SOS2: variants seen among roughly 807,000 people sequenced by gnomAD.
The protein encoded by SOS2 is son of sevenless homolog 2.
A neutral mutation model predicts 148.2 loss-of-function variants in SOS2; 65 were observed. The ratio of observed to expected loss-of-function variants is 0.44; its 90% CI spans 0.36 to 0.54. The LOEUF is 0.54. Ranked by LOEUF, SOS2 falls within the 20% of genes least tolerant of loss-of-function variation. SOS2 has a pLI of 0.00. For synonymous variants in SOS2, 539 were observed against 537.1 expected (o/e 1.00, Z -0.05); for missense variants, 1,341 against 1,590.2 (o/e 0.84, Z 2.67).
At chr14:50,199,031 T>C (rs761397406) in intron 4 of SOS2, among the ~76,000 whole-genome samples, 3 of 152,168 alleles carry the variant, frequency 2.0e-5, no homozygotes, top group African/African-American at 4.8e-5. Flanking sequence ...TGCACGCCTG[T>C]GGTCCTAGCT....
At chr14:50,146,862 T>C (rs1439746735) in intron 14 of SOS2, among the ~76,000 whole-genome samples, 1 of 151,962 alleles carries the variant, frequency 6.6e-6, no homozygotes, top group Non-Finnish European at 1.5e-5. Flanking sequence ...GTAAAAAGCA[T>C]GTTGCAGAAT....
intron 11 of SOS2, among the ~76,000 whole-genome samples, chr14:50,157,860 A>G (rs914083547): frequency 7.2e-5 from 11 of 152,168 alleles, no homozygotes; most frequent in Non-Finnish European, 1.5e-4. Context: ...TTAAAATGCC[A>G]CTATAATACT....
At chr14:50,231,712 C>CAA (rs1887557759), upstream of SOS2, among the ~76,000 whole-genome samples, 1 of 151,872 alleles carries the variant, frequency 6.6e-6, no homozygotes. Context: ...CTCGTCTCCT[C>CAA]ATCGCCTCCT....
At chr14:50,195,692 T>A (rs1291685914) in intron 4 of SOS2, among the ~76,000 whole-genome samples, 5 of 151,506 alleles carry the variant, frequency 3.3e-5, no homozygotes, top group African/African-American at 4.9e-5. Flanking sequence ...GCCCAGGGGT[T>A]TGAAGCTGCA....
intron 8 of SOS2, among the ~76,000 whole-genome samples, chr14:50,166,440 G>A (rs751589004): frequency 4.6e-5 from 7 of 152,052 alleles, no homozygotes; most frequent in Admixed American, 6.6e-5. Flanking sequence ...TGTTGCCCAG[G>A]CTGGTCTCAA....
Position 50,120,879 on chromosome 14 carries a change from A to G in SOS2, c.3380-495T>C, listed in dbSNP as rs988058874. ...CTCAGCCTCCTGAGTAGCTGGGATT[A>G]CAGGTACCCACTACCACCCCCAGCT... On this transcript the variant is annotated intron_variant, in intron 21 of 22. Coordinates refer to ENST00000216373, the MANE Select transcript of SOS2 (RefSeq NM_006939.4). 5.3e-5 allele frequency among the ~76,000 whole-genome samples: 8 copies of G among 151,502 alleles called. No homozygotes were observed. The South Asian group carries it at 1.5e-3, about 28-fold the overall frequency.
intron 7 of SOS2, among the ~76,000 whole-genome samples, chr14:50,175,762 T>C (rs529944272): frequency 1.3e-5 from 2 of 152,236 alleles, no homozygotes; most frequent in South Asian, 4.1e-4. Context: ...TACTAGTATT[T>C]CTCCCCATAA....
At position 50,174,416 on chromosome 14, in the gene SOS2, T is replaced by C. The variant is rs773554132; in HGVS notation, c.1068+38A>G. 6 of 1,105,722 alleles carry C rather than the reference T, an allele frequency of 5.4e-6. 1 individual carries two copies. Among genetic ancestry groups the C allele is most frequent in the Middle Eastern group, 4.1e-4 (2 of 4,862 alleles). 68.5% of individuals were successfully genotyped at this position (1,105,722 alleles called of 1,614,324 possible). ...TAATTTTAAAAAGTAAACTCTTCTA[T>C]TAGATAAGTACTTTGAGATTCTGTT... On this transcript the variant is annotated intron_variant, in intron 8 of 22. Coordinates refer to ENST00000216373, the MANE Select transcript of SOS2 (RefSeq NM_006939.4).
chr14:50,159,793 A>G lies in SOS2; in HGVS notation c.1490T>C (p.Ile497Thr). The G allele has an allele frequency of 6.2e-7, 1 of 1,613,880 alleles. No homozygotes were observed. The highest frequency in any genetic ancestry group is 1.1e-5 in the South Asian group (1 of 91,084). The change falls in exon 10 of 23, where the codon ATA becomes ACA. Residue 497 changes from isoleucine to threonine, a missense_variant. By Grantham distance (89) the Ile-to-Thr change is moderately conservative (BLOSUM62 -1). This residue lies in a region of SOS2 where 574 missense variants were observed against 711.1 expected (regional missense o/e 0.81). Coordinates refer to ENST00000216373, the MANE Select transcript of SOS2 (RefSeq NM_006939.4). ...RLKEKFVMRK[I>T]QICDKEDTCE... ...AGTATCTTCTTTATCACAAATTTGT[A>G]TTTTCCTCATGACAAATTTTTCTTT...
chr14:50,205,563 T>C (rs577457309), intron 1 of SOS2, among the ~76,000 whole-genome samples: 14 of 152,252 alleles, frequency 9.2e-5, no homozygotes, highest in African/African-American at 2.9e-4. Flanking sequence ...AAACCAACCA[T>C]TGCCAAACAA....
At position 50,218,659 on chromosome 14, in the gene SOS2, C is replaced by T. The variant is rs905626372; in HGVS notation, c.87+12538G>A. ...ATGAAAGATGTTGAACATCATTAAT[C>T]ACTAGGGAAATGCAAACTAAAACCA... is the stretch of plus-strand genomic sequence containing the variant. On this transcript the variant is annotated intron_variant, in intron 1 of 22. Coordinates refer to ENST00000216373, the MANE Select transcript of SOS2 (RefSeq NM_006939.4). 2.0e-5 allele frequency among the ~76,000 whole-genome samples: 3 copies of T among 152,130 alleles called. No homozygotes were observed. In the East Asian group the frequency reaches 5.8e-4, roughly 29 times the overall value.
At chr14:50,183,739 G>C (rs1418354093) in intron 5 of SOS2, among the ~76,000 whole-genome samples, 2 of 152,168 alleles carry the variant, frequency 1.3e-5, no homozygotes, top group Non-Finnish European at 2.9e-5. Flanking sequence ...GCTGGGATGA[G>C]AATGAAGATA....
intron 8 of SOS2, among the ~76,000 whole-genome samples, chr14:50,167,434 C>T (rs993118827): frequency 1.3e-5 from 2 of 151,990 alleles, no homozygotes; most frequent in Admixed American, 1.3e-4. Context: ...ACTCGGGAAG[C>T]TGAGATGGGA....
chr14:50,150,508 C>A (rs1337137063), intron 13 of SOS2, among the ~76,000 whole-genome samples: 1 of 151,960 alleles, frequency 6.6e-6, no homozygotes. Flanking sequence ...CTTCTTAATA[C>A]ATTGTTATCT....
At chr14:50,217,986 A>C (rs1007835761) in intron 1 of SOS2, among the ~76,000 whole-genome samples, 13 of 151,058 alleles carry the variant, frequency 8.6e-5, no homozygotes, top group Admixed American at 2.6e-4. Flanking sequence ...AACAAACAAA[A>C]AAAACTTTTG....
intron 8 of SOS2, among the ~76,000 whole-genome samples, chr14:50,163,578 A>G (rs1385012027): frequency 6.6e-6 from 1 of 152,188 alleles, no homozygotes; most frequent in Non-Finnish European, 1.5e-5. Context: ...TAAGCAATAG[A>G]AAGGATGGAA....
chr14:50,197,561 C>T (rs1383374590), intron 4 of SOS2, among the ~76,000 whole-genome samples: 3 of 146,776 alleles, frequency 2.0e-5, no homozygotes, highest in Admixed American at 6.8e-5. Context: ...CTCTCAAAAG[C>T]GTCCAGGTTA....
At chr14:50,221,999 T>C (rs1887218294) in intron 1 of SOS2, among the ~76,000 whole-genome samples, 1 of 152,114 alleles carries the variant, frequency 6.6e-6, no homozygotes, top group Non-Finnish European at 1.5e-5. Context: ...ATTAGAATTA[T>C]GCAGGGGAAA....
At chr14:50,168,314 T>C (rs1383612066) in intron 8 of SOS2, among the ~76,000 whole-genome samples, 1 of 152,194 alleles carries the variant, frequency 6.6e-6, no homozygotes, top group African/African-American at 2.4e-5. Context: ...CTCTAATTCC[T>C]GGGCTCAAGT....
Sources: allele counts gnomAD v4.1 joint callset (sites outside exome capture counted in the v4.1 genomes callset), GRCh38; gene constraint gnomAD v4.1.1; regional missense constraint gnomAD v4.1.1; transcripts MANE v1.5; gene names NCBI Gene and HGNC (gene_info 2026-07-23, HGNC 2026-07-21).